ADAM18: variants seen among roughly 807,000 people sequenced by gnomAD.
ADAM18 encodes ADAM metallopeptidase domain 18.
Under a neutral mutation model 94.4 loss-of-function variants are expected in ADAM18, and 117 were observed. The observed-to-expected ratio is 1.24, with a 90% CI of 1.07 to 1.45. ADAM18 has a LOEUF of 1.45. ADAM18 is among the 40% of genes most tolerant of loss of function. The pLI is 0.00. For synonymous variants in ADAM18, 327 were observed against 291.6 expected (o/e 1.12, Z -1.24); for missense variants, 936 against 880.0 (o/e 1.06, Z -0.81).
At chr8:39,679,460 A>G (rs1170333787) in intron 15 of ADAM18, among the ~76,000 whole-genome samples, 1 of 152,216 alleles carries the variant, frequency 6.6e-6, no homozygotes, top group East Asian at 1.9e-4. Context: ...ATGGGATAAG[A>G]TAACCTTTGG....
Position 39,645,399 on chromosome 8 carries a change from A to T in ADAM18, c.971A>T (p.Asn324Ile), listed in dbSNP as rs1220719460. The change falls in exon 11 of 20, where the codon AAT (asparagine) becomes ATT (isoleucine). Residue 324 changes from asparagine (N) to isoleucine (I), a missense_variant. Transcript: ENST00000265707. ...ATTATAGCTCAACTGCTTGGCCTTA[A>T]TGTAGGATTAACATATGATGACATC... ...SVIIAQLLGL[N>I]VGLTYDDITQ... is the part of the protein sequence containing the mutation. 3.1e-6 allele frequency: 5 copies of T among 1,612,688 alleles called. No individual in the cohort carries two copies. Among genetic ancestry groups the T allele is most frequent in the Non-Finnish European group, 4.2e-6 (5 of 1,179,306 alleles).
At chr8:39,623,004 G>GAACC (rs1819657472) in intron 6 of ADAM18, among the ~76,000 whole-genome samples, 2 of 151,984 alleles carry the variant, frequency 1.3e-5, no homozygotes, top group African/African-American at 4.8e-5. Flanking sequence ...CCAATATGTG[G>GAACC]CTTTTAATCC....
chr8:39,666,670 G>T (rs973613098), intron 13 of ADAM18, among the ~76,000 whole-genome samples: 1 of 152,198 alleles, frequency 6.6e-6, no homozygotes, highest in African/African-American at 2.4e-5. Context: ...AGAGAAGAGA[G>T]CTTGTGCAGG....
At chr8:39,640,421 G>T (rs1411616357) in intron 10 of ADAM18, among the ~76,000 whole-genome samples, 1 of 152,054 alleles carries the variant, frequency 6.6e-6, no homozygotes, top group African/African-American at 2.4e-5. Context: ...TCTTTATCCA[G>T]TCTATCTTGG....
intron 17 of ADAM18, among the ~76,000 whole-genome samples, chr8:39,698,351 G>A (rs1821981288): frequency 6.6e-6 from 1 of 151,524 alleles, no homozygotes; most frequent in African/African-American, 2.4e-5. Flanking sequence ...TCATATCTAA[G>A]CCATAATTAT....
chr8:39,717,249 AT>A (rs1439063268), intron 18 of ADAM18, among the ~76,000 whole-genome samples: 3 of 151,660 alleles, frequency 2.0e-5, no homozygotes, highest in Admixed American at 6.6e-5. Context: ...ACTCTGTGTT[AT>A]TGTTGTCACA....
At chr8:39,587,254 C>T (rs772990883) in intron 2 of ADAM18, among the ~76,000 whole-genome samples, 6 of 152,162 alleles carry the variant, frequency 3.9e-5, no homozygotes, top group Non-Finnish European at 7.4e-5. Flanking sequence ...GAATGATTCT[C>T]TTAACATATT....
At chr8:39,658,162 G>C (rs1820737500) in intron 12 of ADAM18, among the ~76,000 whole-genome samples, 1 of 152,076 alleles carries the variant, frequency 6.6e-6, no homozygotes, top group East Asian at 1.9e-4. Context: ...CAAAGAAAAA[G>C]AACTTAAAAG....
intron 6 of ADAM18, among the ~76,000 whole-genome samples, chr8:39,623,305 CAT>C (rs1819667124): frequency 6.6e-6 from 1 of 152,096 alleles, no homozygotes; most frequent in East Asian, 1.9e-4. Context: ...CTGGAGTAAA[CAT>C]ATGTGTGCAG....
chr8:39,715,956 G>A (rs7837204), intron 18 of ADAM18, among the ~76,000 whole-genome samples: 42,127 of 151,726 alleles, frequency 0.28, 6,645 homozygotes, highest in East Asian at 0.75. Flanking sequence ...TGCCAGCATC[G>A]CCCCCAGTAG....
At chr8:39,632,656 C>T (rs1315000206) in intron 7 of ADAM18, among the ~76,000 whole-genome samples, 1 of 152,024 alleles carries the variant, frequency 6.6e-6, no homozygotes, top group Non-Finnish European at 1.5e-5. Flanking sequence ...TCAAGATTAT[C>T]CTAGCCTCAT....
At chr8:39,721,158 C>T (rs888568463) in intron 18 of ADAM18, among the ~76,000 whole-genome samples, 4 of 151,274 alleles carry the variant, frequency 2.6e-5, no homozygotes, top group Admixed American at 6.6e-5. Context: ...CATTTAAAAT[C>T]TGTCAAAAAT....
At chr8:39,709,218 G>A (rs1008688625) in intron 18 of ADAM18, among the ~76,000 whole-genome samples, 1 of 152,192 alleles carries the variant, frequency 6.6e-6, no homozygotes, top group Non-Finnish European at 1.5e-5. Flanking sequence ...AAAGGGGATG[G>A]GGTGGGAAGG....
At chr8:39,606,703 A>G (rs1819097096) in intron 3 of ADAM18, among the ~76,000 whole-genome samples, 2 of 152,168 alleles carry the variant, frequency 1.3e-5, no homozygotes. Flanking sequence ...GTCCGTGTGA[A>G]GAGACCACCA....
chr8:39,705,534 G>C (rs893853175), intron 17 of ADAM18, among the ~76,000 whole-genome samples: 5 of 151,966 alleles, frequency 3.3e-5, no homozygotes, highest in African/African-American at 1.2e-4. Flanking sequence ...AGACCAGCCT[G>C]GGCAACAAAG....
In ADAM18 at chr8:39,585,323, T is replaced by A; in HGVS notation, c.103T>A (p.Ser35Thr). ...LHVTVPRKIK[S>T]NDSEVSERKM... ...TGTCACAGTTCCACGGAAGATTAAG[T>A]CAAATGACAGTGAAGTTTCAGAGAG... Residue 35 changes from serine (S) to threonine (T), a missense_variant, in exon 2 of 20, where the codon TCA (serine) becomes ACA (threonine). By Grantham distance (58) the Ser-to-Thr change is moderately conservative (BLOSUM62 1). Coordinates refer to ENST00000265707, the MANE Select transcript of ADAM18 (RefSeq NM_014237.3). 3 of 1,613,524 alleles carry A rather than the reference T, an allele frequency of 1.9e-6. No homozygotes were observed. The highest frequency in any genetic ancestry group is 2.2e-5 in the South Asian group (2 of 90,962).
At chr8:39,705,478 A>T (rs1242916897) in intron 17 of ADAM18, among the ~76,000 whole-genome samples, 1 of 152,116 alleles carries the variant, frequency 6.6e-6, no homozygotes, top group Non-Finnish European at 1.5e-5. Context: ...TAATCCTAGC[A>T]ATTTGAGAAG....
rs748000857 is a variant in ADAM18 at position 39,677,561 on chromosome 8, T to G, written c.1631+25T>G. On this transcript the variant is annotated intron_variant, in intron 15 of 19. Coordinates refer to ENST00000265707, the MANE Select transcript of ADAM18 (RefSeq NM_014237.3). ...AGTACGTATGTAGAAAATGATTGCTTCTTTGAATCATAAAAATTATGTATT... is the reference window on the plus strand; with the variant it reads ...AGTACGTATGTAGAAAATGATTGCTGCTTTGAATCATAAAAATTATGTATT... 6 of 1,507,690 alleles carry G rather than the reference T, an allele frequency of 4.0e-6. No individual in the cohort carries two copies. The South Asian group carries it at 6.1e-5, about 15-fold the overall frequency. 93.4% of individuals were successfully genotyped at this position (1,507,690 alleles called of 1,614,324 possible). A position where few individuals can be genotyped will look rare whatever the true frequency, so the allele number is the denominator to read the frequency against.
chr8:39,682,758 A>G (rs1329980644), intron 16 of ADAM18, among the ~76,000 whole-genome samples: 1 of 152,216 alleles, frequency 6.6e-6, no homozygotes, highest in East Asian at 1.9e-4. Flanking sequence ...CAAATGGAAG[A>G]GCTATACTCA....
Sources: allele counts gnomAD v4.1 joint callset (sites outside exome capture counted in the v4.1 genomes callset), GRCh38; gene constraint gnomAD v4.1.1; transcripts MANE v1.5; gene names NCBI Gene and HGNC (gene_info 2026-07-23, HGNC 2026-07-21).